Variants in CSMD1 observed in about 807,000 individuals in gnomAD.
CSMD1 encodes the protein CUB and Sushi multiple domains 1, also known as CUB and sushi domain-containing protein 1.
CSMD1 carries 213 observed loss-of-function variants against 417.5 expected under a neutral mutation model. That is an observed-to-expected ratio of 0.51 (90% CI 0.46 to 0.57). CSMD1 has a LOEUF of 0.57. CSMD1 is among the 20% of genes least tolerant of loss of function. CSMD1 has a pLI of 0.00. For missense variants in CSMD1, 6,923 were observed against 4,529.7 expected (o/e 1.53, Z -15.17); for synonymous variants, 2,862 against 1,736.8 (o/e 1.65, Z -16.11).
intron 6 of CSMD1, among the ~76,000 whole-genome samples, chr8:3,749,779 T>C (rs1219990366): frequency 1.3e-5 from 2 of 152,108 alleles, no homozygotes; most frequent in East Asian, 1.9e-4. Context: ...CCCATGTCGT[T>C]ACATGTAGAG....
intron 10 of CSMD1, among the ~76,000 whole-genome samples, chr8:3,510,759 G>C (rs1797030822): frequency 6.6e-6 from 1 of 151,854 alleles, no homozygotes. Context: ...GTAATGACCA[G>C]TGAGGATGAG....
At chr8:3,394,017 TATATATATATA>T (rs1811522668) in intron 17 of CSMD1, among the ~76,000 whole-genome samples, 6 of 77,208 alleles carry the variant, frequency 7.8e-5, no homozygotes, top group African/African-American at 2.2e-4. Flanking sequence ...ATAAATTATA[TATATATATATA>T]TATATATATA....
intron 18 of CSMD1, among the ~76,000 whole-genome samples, chr8:3,369,923 G>T (rs1203683287): frequency 6.6e-6 from 1 of 152,152 alleles, no homozygotes. Flanking sequence ...GTGATCTCTG[G>T]TAAGTCTCTC....
intron 2 of CSMD1, among the ~76,000 whole-genome samples, chr8:4,523,539 T>A (rs749433472): frequency 6.6e-6 from 1 of 152,002 alleles, no homozygotes; most frequent in Non-Finnish European, 1.5e-5. Context: ...ACACACACAC[T>A]CACACACATG....
intron 25 of CSMD1, among the ~76,000 whole-genome samples, chr8:3,304,952 T>A (rs1406132799): frequency 6.6e-6 from 1 of 152,222 alleles, no homozygotes; most frequent in African/African-American, 2.4e-5. Flanking sequence ...AGATGATTTC[T>A]ACAACTTTTC....
At chr8:4,437,558 T>C (rs1045289071) in intron 2 of CSMD1, among the ~76,000 whole-genome samples, 3 of 152,248 alleles carry the variant, frequency 2.0e-5, no homozygotes, top group Admixed American at 6.5e-5. Context: ...TTTCTGCAGA[T>C]ATCTTGAGCA....
intron 3 of CSMD1, among the ~76,000 whole-genome samples, chr8:4,108,542 T>C (rs974652718): frequency 1.3e-5 from 2 of 152,160 alleles, no homozygotes; most frequent in Admixed American, 6.5e-5. Context: ...ACCCCAACTG[T>C]TTTCCCAGAA....
Position 2,968,826 on chromosome 8 carries a change from A to T in CSMD1, c.8924-2080T>A, listed in dbSNP as rs111482851. Reference sequence around the variant, plus strand: ...AACCTGTAAGTTTAAACTTTGCCATATTTTCTCTTTCCTGAGTTTATTTTC... The same window carrying T: ...AACCTGTAAGTTTAAACTTTGCCATTTTTTCTCTTTCCTGAGTTTATTTTC... On this transcript the variant is annotated intron_variant, in intron 57 of 69. Coordinates refer to ENST00000635120, the MANE Select transcript of CSMD1 (RefSeq NM_033225.6). 2.1e-3 allele frequency among the ~76,000 whole-genome samples: 326 copies of T among 152,262 alleles called. 1 individual carries two copies. The highest frequency in any genetic ancestry group is 7.5e-3 in the African/African-American group (313 of 41,574).
In CSMD1 at chr8:3,369,243, T is replaced by C; in HGVS notation, c.2899+11A>G. The C allele has an allele frequency of 7.5e-7, 1 of 1,331,038 alleles. No homozygotes were observed. The highest frequency in any genetic ancestry group is 1.1e-6 in the Non-Finnish European group (1 of 926,048). The allele number at this position is 1,331,038 out of a possible 1,614,324, so 82.5% of individuals were successfully genotyped here. A position where few individuals can be genotyped will look rare whatever the true frequency, so the allele number is the denominator to read the frequency against. ...TAGTCTGTATGTTTGAGACCTATGA[T>C]AGATTCTTACCTTTCCCATGAGACA... On this transcript the variant is annotated intron_variant, in intron 19 of 69. Coordinates refer to ENST00000635120, the MANE Select transcript of CSMD1 (RefSeq NM_033225.6).
chr8:4,189,977 C>A (rs951975956), intron 3 of CSMD1, among the ~76,000 whole-genome samples: 1 of 151,752 alleles, frequency 6.6e-6, no homozygotes, highest in African/African-American at 2.4e-5. Context: ...AGCAGAGACT[C>A]GCCAGGTGTG....
chr8:3,397,639 G>C (rs1279862645), intron 16 of CSMD1, among the ~76,000 whole-genome samples: 1 of 152,162 alleles, frequency 6.6e-6, no homozygotes, highest in South Asian at 2.1e-4. Context: ...TCAGTTGTTT[G>C]AGTTCAAATT....
chr8:3,982,765 T>A (rs951070084), intron 5 of CSMD1, among the ~76,000 whole-genome samples: 3 of 152,048 alleles, frequency 2.0e-5, no homozygotes, highest in Non-Finnish European at 4.4e-5. Flanking sequence ...TGCCCACAGA[T>A]AATGGACAGG....
At chr8:3,937,766 T>G (rs1003136117) in intron 5 of CSMD1, among the ~76,000 whole-genome samples, 9 of 152,112 alleles carry the variant, frequency 5.9e-5, no homozygotes, top group African/African-American at 9.7e-5. Context: ...ATGTAATATA[T>G]TTTTCTGTCA....
chr8:4,594,843 A>G (rs1800171858), intron 2 of CSMD1, among the ~76,000 whole-genome samples: 1 of 152,192 alleles, frequency 6.6e-6, no homozygotes, highest in East Asian at 1.9e-4. Context: ...TCTAGGACAC[A>G]ATTCCTTAGT....
rs568427997 is a variant in CSMD1, at chr8:3,162,717, C to CAA, written c.5726-442_5726-441dup. ...TGAATCTTGGAATTCTGTTCTTCTA[C>CAA]AAAAAAAAAAAAGAGAAAAAATATT... On this transcript the variant is annotated intron_variant, in intron 37 of 69. Transcript: ENST00000635120. Among the ~76,000 whole-genome samples the CAA allele has an allele frequency of 7.2e-3, 939 of 130,494 alleles. 15 individuals are homozygous for CAA. Among genetic ancestry groups the CAA allele is most frequent in the African/African-American group, 0.025 (890 of 35,708 alleles). The allele number at this position is 130,494 out of a possible 152,430, so 85.6% of individuals were successfully genotyped here. A position where few individuals can be genotyped will look rare whatever the true frequency, so the allele number is the denominator to read the frequency against.
intron 3 of CSMD1, among the ~76,000 whole-genome samples, chr8:4,064,152 A>C (rs1002148265): frequency 6.6e-6 from 1 of 152,306 alleles, no homozygotes; most frequent in East Asian, 1.9e-4. Context: ...GTAAAGTTCA[A>C]AAGTTTGACT....
chr8:3,875,068 G>T (rs538309275), intron 5 of CSMD1, among the ~76,000 whole-genome samples: 13 of 152,042 alleles, frequency 8.6e-5, no homozygotes, highest in Non-Finnish European at 1.3e-4. Context: ...GCAGAAGAGC[G>T]GACACAGAAA....
chr8:4,862,099 A>G (rs1354013976), intron 1 of CSMD1, among the ~76,000 whole-genome samples: 2 of 152,038 alleles, frequency 1.3e-5, no homozygotes, highest in African/African-American at 4.8e-5. Context: ...TCCAAGAAGG[A>G]AGGAAGGAGT....
intron 54 of CSMD1, among the ~76,000 whole-genome samples, chr8:2,995,934 G>A (rs1325520208): frequency 6.6e-6 from 1 of 152,198 alleles, no homozygotes; most frequent in East Asian, 1.9e-4. Context: ...TATAAGCGGA[G>A]TAAGGCGGAT....
Sources: allele counts gnomAD v4.1 joint callset (sites outside exome capture counted in the v4.1 genomes callset), GRCh38; gene constraint gnomAD v4.1.1; transcripts MANE v1.5; gene names NCBI Gene and HGNC (gene_info 2026-07-23, HGNC 2026-07-21).